The following MAGED1 variants were observed in gnomAD, a reference collection of about 807,000 sequenced individuals.
MAGED1 encodes the protein melanoma-associated antigen D1.
A neutral mutation model predicts 54.1 loss-of-function variants in MAGED1; 3 were observed. The observed-to-expected ratio is 0.06, with a 90% CI of 0.03 to 0.14. The LOEUF is 0.14. MAGED1 is among the 10% of genes least tolerant of loss of function. MAGED1 has a pLI of 1.00. For missense variants in MAGED1, 485 were observed against 623.4 expected, an observed-to-expected ratio of 0.78 and a Z score of 2.36; for synonymous variants, 217 against 227.3, an observed-to-expected ratio of 0.95 and a Z score of 0.41.
intron 1 of MAGED1, among the ~76,000 whole-genome samples, chrX:51,839,285 A>G (rs1205700021): frequency 1.8e-5 from 2 of 111,901 alleles, no homozygotes; most frequent in Non-Finnish European, 3.8e-5. Flanking sequence ...TATTCTCCAC[A>G]TATTTAAAGT....
chrX:51,854,666 G>A (rs782517135), intron 1 of MAGED1, among the ~76,000 whole-genome samples: 5 of 111,706 alleles, frequency 4.5e-5, no homozygotes, highest in South Asian at 3.8e-4. Flanking sequence ...CAAGGTTTCC[G>A]TGTGAAATAC....
At chrX:51,825,931 C>T (rs1925837464) in intron 1 of MAGED1, among the ~76,000 whole-genome samples, 1 of 112,191 alleles carries the variant, frequency 8.9e-6, no homozygotes, top group Non-Finnish European at 1.9e-5. Context: ...TGCACTGAAT[C>T]AAACATAAAC....
At position 51,849,046 on chromosome X, in the gene MAGED1, A is replaced by G. The variant is rs574963750; in HGVS notation, c.-36-45223A>G. Among the ~76,000 whole-genome samples the G allele has an allele frequency of 1.4e-4, 15 of 109,242 alleles. No individual in the cohort carries two copies. The South Asian group carries it at 4.0e-3, about 29-fold the overall frequency. 94.9% of individuals were successfully genotyped at this position (109,242 alleles called of 115,157 possible). On this transcript the variant is annotated intron_variant, in intron 1 of 12. Transcript: ENST00000375772. ...AAAATTTTATAGTTTCCTTTTCACA[A>G]TTTAGCTCTGTGGTCCACTTGGAAT... is the stretch of plus-strand genomic sequence containing the variant.
intron 1 of MAGED1, among the ~76,000 whole-genome samples, chrX:51,848,706 G>A (rs782009603): frequency 1.6e-4 from 18 of 111,662 alleles, no homozygotes; most frequent in Non-Finnish European, 2.6e-4. Context: ...AAAATATGCC[G>A]GTGGCTTGAG....
intron 1 of MAGED1, among the ~76,000 whole-genome samples, chrX:51,886,114 A>G (rs1301859440): frequency 2.8e-5 from 2 of 71,990 alleles, no homozygotes; most frequent in Non-Finnish European, 4.9e-5. Flanking sequence ...GATGATTACC[A>G]GAGGCTGAGA....
At chrX:51,862,124 A>G (rs1410297051) in intron 1 of MAGED1, among the ~76,000 whole-genome samples, 5 of 111,357 alleles carry the variant, frequency 4.5e-5, no homozygotes, top group African/African-American at 1.6e-4. Context: ...TATCCCTAAT[A>G]TTCTAAACTT....
chrX:51,866,566 T>C (rs1377066603), intron 1 of MAGED1, among the ~76,000 whole-genome samples: 4 of 112,252 alleles, frequency 3.6e-5, no homozygotes, highest in Non-Finnish European at 5.6e-5. Context: ...TTTAAGTTTA[T>C]ATGCAAGGTC....
intron 1 of MAGED1, among the ~76,000 whole-genome samples, chrX:51,877,471 C>T (rs73204564): frequency 0.13 from 14,019 of 110,486 alleles, 821 homozygotes; most frequent in Non-Finnish European, 0.17. Flanking sequence ...TATTGAATAA[C>T]GGCCTTAAAA....
upstream of MAGED1, among the ~76,000 whole-genome samples, chrX:51,892,183 T>G (rs999655442): frequency 4.4e-5 from 5 of 113,066 alleles, no homozygotes; most frequent in Admixed American, 4.6e-4. Flanking sequence ...TTTAATTTTC[T>G]GCCTTTTTGA....
chrX:51,894,985 C>T, intron 2 of MAGED1, 68 bp from the exon 3 acceptor site: 3 of 1,003,308 alleles, frequency 3.0e-6, no homozygotes. Context: ...CACCCGGGCT[C>T]CCTATTCCCA....
intron 1 of MAGED1, among the ~76,000 whole-genome samples, chrX:51,818,266 A>G (rs1557356243): frequency 9.0e-6 from 1 of 111,516 alleles, no homozygotes; most frequent in Non-Finnish European, 1.9e-5. Context: ...AGAGGCTATC[A>G]CAATCCCTCA....
chrX:51,871,354 T>A (rs189430027), intron 1 of MAGED1, among the ~76,000 whole-genome samples: 1,181 of 109,156 alleles, frequency 0.011, 22 homozygotes, highest in African/African-American at 0.037. Flanking sequence ...ACATGTGCCA[T>A]GTTGGTGTGC....
At chrX:51,807,911 G>A (rs1557355262) in intron 1 of MAGED1, among the ~76,000 whole-genome samples, 3 of 111,006 alleles carry the variant, frequency 2.7e-5, no homozygotes. Flanking sequence ...TTCCTTATAC[G>A]TTTTAGAGCT....
chrX:51,883,694 G>A (rs868935919), intron 1 of MAGED1, among the ~76,000 whole-genome samples: 2 of 111,623 alleles, frequency 1.8e-5, no homozygotes, highest in African/African-American at 3.3e-5. Context: ...TTAAACAGCC[G>A]TCCTAAAAAT....
upstream of MAGED1, among the ~76,000 whole-genome samples, chrX:51,892,807 G>C (rs928509941): frequency 6.3e-5 from 7 of 111,659 alleles, no homozygotes; most frequent in African/African-American, 2.3e-4. Flanking sequence ...CCCAAATTTT[G>C]CATTTTGTTT....
intron 1 of MAGED1, among the ~76,000 whole-genome samples, chrX:51,828,584 A>G (rs781782787): frequency 9.1e-6 from 1 of 110,360 alleles, no homozygotes; most frequent in African/African-American, 3.3e-5. Flanking sequence ...GTCTCTCCAA[A>G]TGTTCAAGTG....
At chrX:51,821,051 T>C (rs1471394707) in intron 1 of MAGED1, among the ~76,000 whole-genome samples, 1 of 111,828 alleles carries the variant, frequency 8.9e-6, no homozygotes, top group Admixed American at 9.5e-5. Context: ...CTTATTTCGC[T>C]TAGACTTGTT....
intron 1 of MAGED1, among the ~76,000 whole-genome samples, chrX:51,843,133 G>T (rs1222927059): frequency 8.9e-6 from 1 of 111,920 alleles, no homozygotes; most frequent in African/African-American, 3.2e-5. Flanking sequence ...CACATTAACT[G>T]TTGCTTCTCC....
intron 3 of MAGED1, 99 bp downstream of exon 3, chrX:51,895,859 C>T: frequency 1.5e-6 from 1 of 667,167 alleles, no homozygotes. Context: ...TAACTGTATT[C>T]AGCTAGGCTA....
Sources: gnomAD v4.1 joint callset for allele counts (sites outside exome capture counted in the v4.1 genomes callset) on GRCh38, gnomAD v4.1.1 for gene constraint, MANE v1.5 for transcripts, NCBI Gene and HGNC (gene_info 2026-07-23, HGNC 2026-07-21) for gene names.